RAB11FIP3: variants seen among roughly 807,000 people sequenced by gnomAD.
RAB11FIP3 encodes the protein RAB11 family interacting protein 3, also known as rab11 family-interacting protein 3.
A neutral mutation model predicts 77.8 loss-of-function variants in RAB11FIP3; 17 were observed. The observed-to-expected ratio is 0.22, with a 90% confidence interval of 0.15 to 0.33. The LOEUF (loss-of-function observed/expected upper bound fraction) is 0.33, where lower values mean the gene tolerates loss of function less well. RAB11FIP3 is among the 10% of genes least tolerant of loss of function. The pLI, the probability that RAB11FIP3 is intolerant of heterozygous loss-of-function variation, is 1.00. For missense variants in RAB11FIP3, 1,005 were observed against 1,011.2 expected (o/e 0.99, Z 0.08); for synonymous variants, 437 against 448.2 (o/e 0.98, Z 0.31).
intron 1 of RAB11FIP3, among the ~76,000 whole-genome samples, chr16:437,711 C>T (rs2055154013): frequency 6.6e-6 from 1 of 152,076 alleles, no homozygotes; most frequent in African/African-American, 2.4e-5. Context: ...CACTGTGCAG[C>T]CACGAGCGCG....
At chr16:429,746 C>T (rs1295208006) in intron 1 of RAB11FIP3, among the ~76,000 whole-genome samples, 1 of 152,130 alleles carries the variant, frequency 6.6e-6, no homozygotes, top group East Asian at 1.9e-4. Flanking sequence ...GATCCACCCG[C>T]CTCGGCCTCC....
chr16:487,500 C>A (rs923285126), intron 4 of RAB11FIP3, among the ~76,000 whole-genome samples: 1 of 152,126 alleles, frequency 6.6e-6, no homozygotes, highest in African/African-American at 2.4e-5. Flanking sequence ...GGCATTTCTG[C>A]GGGTGTGAAA....
At chr16:429,100 A>G (rs2054996663) in intron 1 of RAB11FIP3, among the ~76,000 whole-genome samples, 1 of 152,082 alleles carries the variant, frequency 6.6e-6, no homozygotes, top group Non-Finnish European at 1.5e-5. Flanking sequence ...TTGATTTCTT[A>G]AAGCTAAGTT....
intron 3 of RAB11FIP3, among the ~76,000 whole-genome samples, chr16:477,380 A>T (rs902349810): frequency 2.0e-5 from 3 of 151,986 alleles, no homozygotes; most frequent in African/African-American, 7.3e-5. Flanking sequence ...GTCACTGATG[A>T]CTCTGGGGCA....
intron 7 of RAB11FIP3, among the ~76,000 whole-genome samples, chr16:503,546 G>C (rs192545202): frequency 2.6e-5 from 4 of 152,238 alleles, no homozygotes; most frequent in Non-Finnish European, 5.9e-5. Context: ...GAATGGAATG[G>C]GTGACAGCAG....
At chr16:443,009 G>C (rs1458179118) in intron 1 of RAB11FIP3, among the ~76,000 whole-genome samples, 1 of 152,148 alleles carries the variant, frequency 6.6e-6, no homozygotes, top group Non-Finnish European at 1.5e-5. Context: ...TTATGAGAAA[G>C]TCCATCCCCG....
intron 1 of RAB11FIP3, among the ~76,000 whole-genome samples, chr16:436,965 A>C (rs2141851536): frequency 1.3e-5 from 2 of 152,070 alleles, no homozygotes; most frequent in Middle Eastern, 3.4e-3. Context: ...GTAGTTAATA[A>C]TCTGTTTTTC....
At chr16:477,447 C>T (rs532604678) in intron 3 of RAB11FIP3, among the ~76,000 whole-genome samples, 5 of 152,304 alleles carry the variant, frequency 3.3e-5, no homozygotes, top group African/African-American at 4.8e-5. Context: ...GCCCTCAAAC[C>T]GTCTCGGACC....
intron 7 of RAB11FIP3, 115 bp downstream of exon 7, chr16:503,212 T>C: frequency 1.1e-5 from 8 of 759,286 alleles, no homozygotes; most frequent in Non-Finnish European, 1.7e-5. Context: ...GGTGACCCCA[T>C]GTCCTCCAGG....
chr16:492,657 A>G (rs1014419957), intron 5 of RAB11FIP3, among the ~76,000 whole-genome samples: 47 of 152,090 alleles, frequency 3.1e-4, no homozygotes, highest in East Asian at 5.8e-4. Flanking sequence ...CTGCTTGGGG[A>G]GGGGCCATTT....
At chr16:448,297 A>G (rs542996130) in intron 1 of RAB11FIP3, among the ~76,000 whole-genome samples, 19 of 147,126 alleles carry the variant, frequency 1.3e-4, no homozygotes, top group African/African-American at 4.3e-4. Context: ...AGCCTGGGCA[A>G]TGAGGGAAAC....
At chr16:492,941 C>T (rs1325212376) in intron 5 of RAB11FIP3, among the ~76,000 whole-genome samples, 1 of 152,078 alleles carries the variant, frequency 6.6e-6, no homozygotes, top group African/African-American at 2.4e-5. Flanking sequence ...TTCTGCTACC[C>T]CTTTTCCTAA....
chr16:426,603 G>T lies in RAB11FIP3; in HGVS notation c.597G>T (p.Gly199=). 6.3e-7 allele frequency: 1 copy of T among 1,597,588 alleles called. No homozygotes were observed. Among genetic ancestry groups the T allele is most frequent in the South Asian group, 1.1e-5 (1 of 89,050 alleles). ...QTHPLPSEPV[G]SQEDGPRLRA... is the part of the protein sequence containing the mutation. The stretch of plus-strand genomic sequence containing the variant: ...ACCCCCTTCCGAGCGAGCCCGTGGG[G>T]AGTCAGGAGGACGGCCCCCGCCTCC... Residue 199 remains glycine, a synonymous_variant, in exon 1 of 14, where the codon GGG becomes GGT. Transcript: ENST00000262305. The surrounding 1 kb of genome is among the most constrained non-coding windows in gnomAD (Gnocchi z 5.0).
At position 496,804 on chromosome 16, in the gene RAB11FIP3, T is replaced by C. The variant is rs2031177583; in HGVS notation, c.1266-20T>C. The C allele has an allele frequency of 6.3e-7, 1 of 1,577,906 alleles. No homozygotes were observed. Among genetic ancestry groups the C allele is most frequent in the Non-Finnish European group, 8.7e-7 (1 of 1,147,528 alleles). On this transcript the variant is annotated intron_variant, in intron 5 of 13. Coordinates refer to ENST00000262305, the MANE Select transcript of RAB11FIP3 (RefSeq NM_014700.4). Reference sequence around the variant, plus strand: ...CTGTCTGTTCTAACAATTTTCCTGTTTATTTTGTTTTCTGCACAGTCCGAC... The same window carrying C: ...CTGTCTGTTCTAACAATTTTCCTGTCTATTTTGTTTTCTGCACAGTCCGAC...
intron 1 of RAB11FIP3, among the ~76,000 whole-genome samples, chr16:427,521 G>A (rs2054969052): frequency 1.3e-5 from 2 of 152,240 alleles, no homozygotes; most frequent in Admixed American, 1.3e-4. Context: ...AGTTGTTCCT[G>A]TCTACCTCAG....
chr16:459,629 G>T (rs989132227), intron 1 of RAB11FIP3, among the ~76,000 whole-genome samples: 3 of 151,788 alleles, frequency 2.0e-5, no homozygotes, highest in Middle Eastern at 3.4e-3. Context: ...TAGAGATGGG[G>T]TTTTGCCATG....
intron 5 of RAB11FIP3, 89 bp downstream of exon 5, chr16:489,089 G>A (rs34350520): frequency 2.0e-4 from 263 of 1,283,362 alleles, no homozygotes; most frequent in Admixed American, 3.3e-4. Flanking sequence ...GTGCATTGGT[G>A]AGAGAACTTG....
In RAB11FIP3 at chr16:440,997, T is replaced by C. The variant is rs182290969; in HGVS notation, c.714+14277T>C. 3.3e-5 allele frequency among the ~76,000 whole-genome samples: 5 copies of C among 152,048 alleles called. No individual in the cohort carries two copies. The East Asian group carries it at 7.7e-4, about 24-fold the overall frequency. The stretch of plus-strand genomic sequence containing the variant: ...GCTTTGTCGCCCAGGGTGGAGTGCA[T>C]TGGTGCAATCTCGGCTCACTGCAAC... On this transcript the variant is annotated intron_variant, in intron 1 of 13. Coordinates refer to ENST00000262305, the MANE Select transcript of RAB11FIP3 (RefSeq NM_014700.4).
intron 9 of RAB11FIP3, among the ~76,000 whole-genome samples, chr16:517,549 C>T (rs1468371814): frequency 6.6e-6 from 1 of 151,938 alleles, no homozygotes; most frequent in African/African-American, 2.4e-5. Flanking sequence ...GGTAACAGAG[C>T]GAGACCCTCT....
Sources: gnomAD v4.1 joint callset for allele counts (sites outside exome capture counted in the v4.1 genomes callset) on GRCh38, gnomAD v4.1.1 for gene constraint, Gnocchi (gnomAD v3.1) non-coding constraint, MANE v1.5 for transcripts, NCBI Gene and HGNC (gene_info 2026-07-23, HGNC 2026-07-21) for gene names.